The following GALNT17 variants were observed in gnomAD, a reference collection of about 807,000 sequenced individuals.
The protein encoded by GALNT17 is UDP-GalNAc:polypeptide N-acetylgalactosaminyltransferase-like 3.
In GALNT17, 29 loss-of-function variants were observed where a neutral mutation model predicts 63.7. The observed-to-expected ratio is 0.46, with a 90% CI of 0.34 to 0.62. GALNT17 has a LOEUF of 0.62. GALNT17 is among the 20% of genes least tolerant of loss of function. The probability of loss-of-function intolerance (pLI) is 0.01; values close to 1 mark genes in which losing one functional copy is unlikely to be tolerated. For synonymous variants in GALNT17, 305 were observed against 318.3 expected (o/e 0.96, Z 0.45); for missense variants, 603 against 799.6 (o/e 0.75, Z 2.97).
At chr7:71,248,771 C>T (rs896236142) in intron 1 of GALNT17, among the ~76,000 whole-genome samples, 5 of 152,156 alleles carry the variant, frequency 3.3e-5, no homozygotes, top group African/African-American at 9.7e-5. Context: ...TCAGCTCATT[C>T]GGTCTTCCCC....
intron 1 of GALNT17, among the ~76,000 whole-genome samples, chr7:71,297,051 GCTTAAGCCTTTT>G (rs1791094659): frequency 6.6e-6 from 1 of 152,184 alleles, no homozygotes; most frequent in Non-Finnish European, 1.5e-5. Context: ...TTTTCTTATT[GCTTAAGCCTTTT>G]CTTAAGCACA....
intron 1 of GALNT17, among the ~76,000 whole-genome samples, chr7:71,189,438 G>A (rs370017208): frequency 6.6e-6 from 1 of 152,296 alleles, no homozygotes; most frequent in East Asian, 1.9e-4. Flanking sequence ...GCCAACAGAG[G>A]TGGTGGGGGT....
Position 71,402,994 on chromosome 7 carries a change from G to C in GALNT17, c.590-12895G>C, listed in dbSNP as rs548765443. On this transcript the variant is annotated intron_variant, in intron 3 of 10. Transcript: ENST00000333538. ...GAATACTTGTTTTTGCCCCCAACCAGATCATAGCAATGTGACAGCATTTGC... is the reference window on the plus strand; with the variant it reads ...GAATACTTGTTTTTGCCCCCAACCACATCATAGCAATGTGACAGCATTTGC... Among the ~76,000 whole-genome samples the C allele has an allele frequency of 2.6e-5, 4 of 152,212 alleles. No homozygotes were observed. In the East Asian group the frequency reaches 7.7e-4, roughly 29 times the overall value.
chr7:71,545,060 A>C (rs1788959911), intron 5 of GALNT17, among the ~76,000 whole-genome samples: 1 of 152,192 alleles, frequency 6.6e-6, no homozygotes, highest in South Asian at 2.1e-4. Context: ...TAGGGTTTGC[A>C]TATCAGAATC....
intron 1 of GALNT17, among the ~76,000 whole-genome samples, chr7:71,238,279 G>T (rs764407590): frequency 5.3e-5 from 8 of 152,184 alleles, no homozygotes; most frequent in Non-Finnish European, 1.0e-4. Flanking sequence ...TGGTTCCAGG[G>T]TGGGAGGCAG....
chr7:71,585,777 A>C (rs1789707114), intron 6 of GALNT17, among the ~76,000 whole-genome samples: 1 of 152,124 alleles, frequency 6.6e-6, no homozygotes. Context: ...TCACAGTCTG[A>C]TTAATATATA....
At chr7:71,161,445 G>A (rs11979903) in intron 1 of GALNT17, among the ~76,000 whole-genome samples, 2,340 of 152,000 alleles carry the variant, frequency 0.015, 56 homozygotes, top group African/African-American at 0.05. Flanking sequence ...TTTTAATGTC[G>A]CGAAGGAATT....
intron 3 of GALNT17, among the ~76,000 whole-genome samples, chr7:71,405,851 A>G (rs1391858131): frequency 6.6e-6 from 1 of 152,302 alleles, no homozygotes; most frequent in East Asian, 1.9e-4. Flanking sequence ...TTGGCATTTA[A>G]CATGAATTTT....
At chr7:71,376,026 C>T (rs1001545529) in intron 2 of GALNT17, among the ~76,000 whole-genome samples, 1 of 151,734 alleles carries the variant, frequency 6.6e-6, no homozygotes, top group East Asian at 1.9e-4. Flanking sequence ...TCACAGTGAG[C>T]CAAGATTGTG....
intron 5 of GALNT17, among the ~76,000 whole-genome samples, chr7:71,520,383 T>G (rs753798027): frequency 6.6e-6 from 1 of 151,540 alleles, no homozygotes; most frequent in Non-Finnish European, 1.5e-5. Context: ...ATTAGCTGGG[T>G]GTGGTGGTGC....
intron 5 of GALNT17, among the ~76,000 whole-genome samples, chr7:71,559,584 A>G (rs1789218606): frequency 6.6e-6 from 1 of 152,230 alleles, no homozygotes. Flanking sequence ...TGAATCAACC[A>G]GGCGCAGTGG....
intron 1 of GALNT17, among the ~76,000 whole-genome samples, chr7:71,223,820 T>G (rs1789633429): frequency 6.6e-6 from 1 of 152,182 alleles, no homozygotes; most frequent in Admixed American, 6.5e-5. Flanking sequence ...GGTATTTGGA[T>G]TTCTCTTCCT....
At chr7:71,278,555 A>G (rs1398711848) in intron 1 of GALNT17, among the ~76,000 whole-genome samples, 1 of 152,218 alleles carries the variant, frequency 6.6e-6, no homozygotes, top group Non-Finnish European at 1.5e-5. Flanking sequence ...AAGAATTGCC[A>G]GAGACTGGGC....
chr7:71,346,509 G>A (rs867947775), intron 2 of GALNT17, among the ~76,000 whole-genome samples: 2 of 152,034 alleles, frequency 1.3e-5, no homozygotes, highest in Admixed American at 6.6e-5. Flanking sequence ...AATGAGGCAA[G>A]GTGGCCTTGG....
chr7:71,543,120 G>C (rs1788921650), intron 5 of GALNT17, among the ~76,000 whole-genome samples: 1 of 151,220 alleles, frequency 6.6e-6, no homozygotes, highest in Non-Finnish European at 1.5e-5. Context: ...ACCCATGTTT[G>C]AGTTATGGTT....
intron 1 of GALNT17, among the ~76,000 whole-genome samples, chr7:71,249,455 T>C (rs1176213320): frequency 1.3e-5 from 2 of 152,164 alleles, no homozygotes; most frequent in East Asian, 3.9e-4. Flanking sequence ...TAATTATAAA[T>C]TATATGTGTG....
chr7:71,504,385 G>A (rs190339301), intron 5 of GALNT17, among the ~76,000 whole-genome samples: 38 of 150,830 alleles, frequency 2.5e-4, no homozygotes, highest in African/African-American at 8.5e-4. Context: ...GCTAGACTCC[G>A]TCTCAATAAA....
chr7:71,443,571 C>T (rs541095820), intron 5 of GALNT17, among the ~76,000 whole-genome samples: 77 of 152,158 alleles, frequency 5.1e-4, no homozygotes, highest in South Asian at 4.8e-3. Flanking sequence ...TATTTCTCCA[C>T]GTGATGCCTG....
At chr7:71,354,672 TTCTC>T (rs375745075) in intron 2 of GALNT17, among the ~76,000 whole-genome samples, 2 of 151,618 alleles carry the variant, frequency 1.3e-5, no homozygotes, top group African/African-American at 4.8e-5. Flanking sequence ...TTGTAATTCA[TTCTC>T]TCTCTCTCTG....
Sources: allele counts gnomAD v4.1 joint callset (sites outside exome capture counted in the v4.1 genomes callset), GRCh38; gene constraint gnomAD v4.1.1; transcripts MANE v1.5; gene names NCBI Gene and HGNC (gene_info 2026-07-23, HGNC 2026-07-21).